PIBF1: variants seen among roughly 807,000 people sequenced by gnomAD.
The protein encoded by PIBF1 is progesterone immunomodulatory binding factor 1, also known as progesterone-induced-blocking factor 1.
A neutral mutation model predicts 112.5 loss-of-function variants in PIBF1; 90 were observed. The ratio of observed to expected loss-of-function variants is 0.80; its 90% CI spans 0.67 to 0.95. The LOEUF is 0.95. Ranked by LOEUF, PIBF1 falls within the 40% of genes least tolerant of loss-of-function variation. The pLI, the probability that PIBF1 is intolerant of heterozygous loss-of-function variation, is 0.00. For missense variants in PIBF1, 915 were observed against 852.3 expected, an observed-to-expected ratio of 1.07 and a Z score of -0.92; for synonymous variants, 301 against 288.6, an observed-to-expected ratio of 1.04 and a Z score of -0.44.
At chr13:72,946,072 C>T (rs546580635) in intron 14 of PIBF1, among the ~76,000 whole-genome samples, 45 of 152,004 alleles carry the variant, frequency 3.0e-4, no homozygotes, top group Non-Finnish European at 6.2e-4. Context: ...TGTATTAGTC[C>T]GTTCTCACAC....
In PIBF1 at chr13:72,792,491, G is replaced by A; in HGVS notation, c.297G>A (p.Lys99=). 6.3e-7 allele frequency: 1 copy of A among 1,578,844 alleles called. No homozygotes were observed. The highest frequency in any genetic ancestry group is 8.6e-7 in the Non-Finnish European group (1 of 1,166,878). Residue 99 remains lysine, a synonymous_variant, in exon 3 of 18, where the codon AAG becomes AAA. Coordinates refer to ENST00000326291, the MANE Select transcript of PIBF1 (RefSeq NM_006346.4). ...AACTTAATGATGCACTTCACCAGAAGCAGCTACTAACATTGAGATTAGACA... is the reference window on the plus strand; with the variant it reads ...AACTTAATGATGCACTTCACCAGAAACAGCTACTAACATTGAGATTAGACA... ...EEKLNDALHQ[K]QLLTLRLDNQ... is the part of the protein sequence containing the mutation.
chr13:72,887,571 G>A (rs956962907), intron 10 of PIBF1, among the ~76,000 whole-genome samples: 6 of 151,836 alleles, frequency 4.0e-5, no homozygotes, highest in Admixed American at 6.6e-5. Flanking sequence ...TTTGTTTTGA[G>A]AAGTAAAGGA....
At chr13:72,826,052 A>G (rs1267158771) in intron 6 of PIBF1, among the ~76,000 whole-genome samples, 1 of 151,820 alleles carries the variant, frequency 6.6e-6, no homozygotes, top group Non-Finnish European at 1.5e-5. Context: ...AAAAAAAAAA[A>G]AAATTTAAAA....
At chr13:72,785,898 T>C (rs889905176) in intron 2 of PIBF1, among the ~76,000 whole-genome samples, 1 of 152,248 alleles carries the variant, frequency 6.6e-6, no homozygotes, top group Non-Finnish European at 1.5e-5. Context: ...TTTGCTTCTT[T>C]TTAGGTGTAA....
At chr13:72,945,606 A>G (rs1011937128) in intron 14 of PIBF1, among the ~76,000 whole-genome samples, 2 of 152,130 alleles carry the variant, frequency 1.3e-5, no homozygotes, top group African/African-American at 4.8e-5. Context: ...TGTAGTTTTG[A>G]TATGCATTTT....
chr13:72,915,023 AAAAT>A (rs1179774722), intron 12 of PIBF1, among the ~76,000 whole-genome samples: 5 of 152,356 alleles, frequency 3.3e-5, no homozygotes, highest in African/African-American at 1.2e-4. Context: ...ACAATAATAA[AAAAT>A]AATACATTTT....
chr13:72,943,244 G>A (rs1037065322), intron 14 of PIBF1, among the ~76,000 whole-genome samples: 9 of 152,098 alleles, frequency 5.9e-5, no homozygotes, highest in African/African-American at 1.7e-4. Flanking sequence ...GTTAATGGAT[G>A]CAAACATAAA....
chr13:72,850,394 G>T (rs1464877590), intron 9 of PIBF1, among the ~76,000 whole-genome samples: 1 of 152,206 alleles, frequency 6.6e-6, no homozygotes, highest in African/African-American at 2.4e-5. Context: ...TGTGGCCATA[G>T]AATTTTGTTT....
At chr13:72,869,507 C>T (rs1380370216) in intron 10 of PIBF1, among the ~76,000 whole-genome samples, 4 of 151,128 alleles carry the variant, frequency 2.6e-5, no homozygotes, top group Admixed American at 1.3e-4. Context: ...AGGAGATATA[C>T]GTAATGCTAA....
chr13:73,006,349 G>A (rs2044034390), intron 17 of PIBF1, among the ~76,000 whole-genome samples: 2 of 152,112 alleles, frequency 1.3e-5, no homozygotes, highest in African/African-American at 4.8e-5. Context: ...AACACTAATT[G>A]TAACCTCTTC....
intron 16 of PIBF1, among the ~76,000 whole-genome samples, chr13:72,984,694 C>T (rs1303521765): frequency 6.6e-6 from 1 of 152,006 alleles, no homozygotes; most frequent in Non-Finnish European, 1.5e-5. Context: ...TTTATATAGG[C>T]TTGTATAGAA....
At position 72,854,161 on chromosome 13, in the gene PIBF1, C is replaced by T; in HGVS notation, c.1322+6C>T. ...CACGATCAGCTCTTAGACAGGTAAG[C>T]ATCATAAAAATAGAAATGTTAAAAC... On this transcript the variant is annotated splice_donor_region_variant and intron_variant, in intron 10 of 17. Coordinates refer to ENST00000326291, the MANE Select transcript of PIBF1 (RefSeq NM_006346.4). The T allele has an allele frequency of 1.9e-6, 3 of 1,560,624 alleles. No homozygotes were observed. The highest frequency in any genetic ancestry group is 2.6e-6 in the Non-Finnish European group (3 of 1,132,590).
intron 14 of PIBF1, among the ~76,000 whole-genome samples, chr13:72,933,285 C>T (rs1435964659): frequency 1.3e-5 from 2 of 152,152 alleles, no homozygotes; most frequent in Non-Finnish European, 2.9e-5. Context: ...GCCTATTATC[C>T]CAGCACTTTC....
chr13:73,009,672 A>G (rs1232468739), intron 17 of PIBF1, among the ~76,000 whole-genome samples: 3 of 152,196 alleles, frequency 2.0e-5, no homozygotes, highest in Non-Finnish European at 2.9e-5. Flanking sequence ...ACCTGGGAAT[A>G]AGGAACATAT....
intron 16 of PIBF1, among the ~76,000 whole-genome samples, chr13:72,988,709 T>C (rs2043381913): frequency 6.6e-6 from 1 of 152,196 alleles, no homozygotes; most frequent in Non-Finnish European, 1.5e-5. Flanking sequence ...AAAATTTTTA[T>C]CTGTTAAAAA....
At chr13:72,892,294 A>C (rs917385844) in intron 10 of PIBF1, among the ~76,000 whole-genome samples, 1 of 152,180 alleles carries the variant, frequency 6.6e-6, no homozygotes, top group Non-Finnish European at 1.5e-5. Flanking sequence ...AGTTAGTCAC[A>C]AAAACTGACA....
chr13:72,950,956 G>T (rs1320200954), intron 14 of PIBF1, among the ~76,000 whole-genome samples: 1 of 152,210 alleles, frequency 6.6e-6, no homozygotes, highest in African/African-American at 2.4e-5. Flanking sequence ...GAGTGCCGTG[G>T]TTTTTAAGTT....
At chr13:72,975,936 A>T (rs992661781) in intron 16 of PIBF1, among the ~76,000 whole-genome samples, 5 of 151,412 alleles carry the variant, frequency 3.3e-5, no homozygotes, top group East Asian at 1.9e-4. Context: ...CTAGATATTA[A>T]TTTTTTTTTC....
intron 14 of PIBF1, among the ~76,000 whole-genome samples, chr13:72,935,547 T>C (rs146940035): frequency 6.6e-6 from 1 of 152,296 alleles, no homozygotes; most frequent in Non-Finnish European, 1.5e-5. Context: ...TCATTTCTCT[T>C]GGGTAAATAT....
Sources: gnomAD v4.1 joint callset for allele counts (sites outside exome capture counted in the v4.1 genomes callset) on GRCh38, gnomAD v4.1.1 for gene constraint, MANE v1.5 for transcripts, NCBI Gene and HGNC (gene_info 2026-07-23, HGNC 2026-07-21) for gene names.